Variants in AP5M1 observed in about 807,000 individuals in gnomAD.
AP5M1 encodes the protein adaptor related protein complex 5 subunit mu 1.
Under a neutral mutation model 52.3 loss-of-function variants are expected in AP5M1, and 44 were observed. The ratio of observed to expected loss-of-function variants is 0.84; its 90% CI spans 0.66 to 1.08. The LOEUF is 1.08. AP5M1 is among the 50% of genes least tolerant of loss of function. The pLI is 0.00. For missense variants in AP5M1, 526 were observed against 568.4 expected, an observed-to-expected ratio of 0.93 and a Z score of 0.76; for synonymous variants, 213 against 199.0, an observed-to-expected ratio of 1.07 and a Z score of -0.59.
intron 2 of AP5M1, among the ~76,000 whole-genome samples, chr14:57,277,301 T>C (rs1449562636): frequency 6.6e-6 from 1 of 152,204 alleles, no homozygotes; most frequent in Non-Finnish European, 1.5e-5. Flanking sequence ...GCAGGTTCCA[T>C]GATGGTTGAT....
chr14:57,283,132 A>G lies in AP5M1; in HGVS notation c.1195A>G (p.Met399Val), dbSNP rs758578141. Residue 399 changes from methionine to valine, a missense_variant, in exon 6 of 8, where the codon ATG (methionine) becomes GTG (valine). Transcript: ENST00000261558. ...TTTAGGCCAGAAGTTCCCAAAATCA[A>G]TGGAAATTAGTCTTTCTGGAACTGT... ...WIIGQKFPKS[M>V]EISLSGTVTF... The G allele has an allele frequency of 1.2e-6, 2 of 1,612,568 alleles. No individual in the cohort carries two copies. The highest frequency in any genetic ancestry group is 1.7e-4 in the Middle Eastern group (1 of 6,056).
At chr14:57,282,890 T>C in intron 4 of AP5M1, 44 bp from the exon 5 acceptor site, 3 of 1,352,180 alleles carry the variant, frequency 2.2e-6, no homozygotes, top group Non-Finnish European at 3.1e-6. Flanking sequence ...CTTAAAACTG[T>C]TATATCTATG....
At chr14:57,286,996 T>TACACACAC (rs58786398) in intron 7 of AP5M1, among the ~76,000 whole-genome samples, 9 of 140,426 alleles carry the variant, frequency 6.4e-5, no homozygotes, top group Non-Finnish European at 9.8e-5. Context: ...CACACACACA[T>TACACACAC]ACACACACAC....
intron 1 of AP5M1, among the ~76,000 whole-genome samples, chr14:57,269,973 T>C (rs1478226493): frequency 6.6e-6 from 1 of 152,078 alleles, no homozygotes; most frequent in East Asian, 1.9e-4. Flanking sequence ...CACGCCCGGC[T>C]AATTTTTTGT....
rs1885573719 is a variant in AP5M1 at position 57,297,304 on chromosome 14, C to G, written c.*8420C>G. 1 of 152,172 alleles carries G rather than the reference C, an allele frequency of 6.6e-6. No individual in the cohort carries two copies. The highest frequency in any genetic ancestry group is 2.4e-5 in the African/African-American group (1 of 41,550). The allele number at this position is 152,172 out of a possible 1,614,324, so 9.4% of individuals were successfully genotyped here. A position where few individuals can be genotyped will look rare whatever the true frequency, so the allele number is the denominator to read the frequency against. ...CCACTGATTCCCCTCCTGCCTCCTTCACTGATTTTGAATGTGTGCTCAATT... is the reference window on the plus strand; with the variant it reads ...CCACTGATTCCCCTCCTGCCTCCTTGACTGATTTTGAATGTGTGCTCAATT... On this transcript the variant is annotated 3_prime_UTR_variant, in exon 8 of 8. Coordinates refer to ENST00000261558, the MANE Select transcript of AP5M1 (RefSeq NM_018229.4).
rs950210532 is a variant in AP5M1 at position 57,293,877 on chromosome 14, A to G, written c.*4993A>G. The G allele has an allele frequency of 6.6e-6, 1 of 151,630 alleles. No homozygotes were observed. Among genetic ancestry groups the G allele is most frequent in the African/African-American group, 2.4e-5 (1 of 41,370 alleles). The allele number at this position is 151,630 out of a possible 1,614,324, so 9.4% of individuals were successfully genotyped here. A position where few individuals can be genotyped will look rare whatever the true frequency, so the allele number is the denominator to read the frequency against. ...ATATTCAAATATCTTTCCTCCAAAC[A>G]CAGTATTAGTTAATAGTAATGAAAT... On this transcript the variant is annotated 3_prime_UTR_variant, in exon 8 of 8. Coordinates refer to ENST00000261558, the MANE Select transcript of AP5M1 (RefSeq NM_018229.4).
At chr14:57,280,114 T>A in intron 2 of AP5M1, 81 bp from the exon 3 acceptor site, 2 of 999,524 alleles carry the variant, frequency 2.0e-6, no homozygotes, top group South Asian at 2.8e-5. Context: ...TTGGGGAAAA[T>A]GACTTTGATA....
At chr14:57,273,970 C>G (rs375375914) in intron 1 of AP5M1, among the ~76,000 whole-genome samples, 5 of 152,242 alleles carry the variant, frequency 3.3e-5, no homozygotes, top group East Asian at 1.9e-4. Flanking sequence ...TTTTGAATTA[C>G]AATCATGTAC....
rs1015629369 is a variant in AP5M1, at chr14:57,298,399, C to T, written c.*9515C>T. On this transcript the variant is annotated 3_prime_UTR_variant, in exon 8 of 8. Transcript: ENST00000261558. ...GTCACACAGGCCTGATTTCAAATCC[C>T]AGCTCTGTCATTTACAAACTGGGTG... The T allele has an allele frequency of 3.3e-5, 5 of 152,138 alleles. No homozygotes were observed. Among genetic ancestry groups the T allele is most frequent in the Non-Finnish European group, 1.5e-5 (1 of 68,036 alleles). The allele number at this position is 152,138 out of a possible 1,614,324, so 9.4% of individuals were successfully genotyped here.
In AP5M1 at chr14:57,286,274, C is replaced by T. The variant is rs563979550; in HGVS notation, c.1345C>T (p.His449Tyr). The T allele has an allele frequency of 1.2e-5, 20 of 1,613,128 alleles. No homozygotes were observed. The South Asian group carries it at 1.8e-4, about 14-fold the overall frequency. Residue 449 changes from histidine to tyrosine, a missense_variant, in exon 7 of 8, where the codon CAT (histidine) becomes TAT (tyrosine). His to Tyr is a moderately conservative substitution (Grantham distance 83). Around this residue, in one of 3 missense-constraint regions of AP5M1, gnomAD observed 97 missense variants for 121.3 expected, o/e 0.80. Transcript: ENST00000261558. ...YTLTGCYADQ[H>Y]SVQVFASGKP... is the part of the protein sequence containing the mutation. ...ACTTACTGGATGTTATGCAGATCAG[C>T]ATTCAGTTCAAGTTTTTGCATCAGG...
At chr14:57,281,969 T>C (rs1362863954) in intron 3 of AP5M1, 120 bp from the exon 4 acceptor site, 5 of 799,190 alleles carry the variant, frequency 6.3e-6, no homozygotes, top group Non-Finnish European at 9.4e-6. Flanking sequence ...TCATCATTGC[T>C]GTTACCAAAA....
rs773324898 is a variant in AP5M1, at chr14:57,288,187, TTA to T, written c.1391-602_1391-601del. Among the ~76,000 whole-genome samples the T allele has an allele frequency of 1.1e-4, 17 of 151,138 alleles. No homozygotes were observed. In the East Asian group the frequency reaches 2.5e-3, roughly 22 times the overall value. On this transcript the variant is annotated intron_variant, in intron 7 of 7. Transcript: ENST00000261558. ...TAATTATATTTAATTGGATATTTAA[TTA>T]TATATATATATAAAGAATTTACATG... is the stretch of plus-strand genomic sequence containing the variant.
intron 3 of AP5M1, among the ~76,000 whole-genome samples, 163 bp from the exon 4 acceptor site, chr14:57,281,926 A>C (rs1312794940): frequency 6.6e-6 from 1 of 152,232 alleles, no homozygotes; most frequent in Non-Finnish European, 1.5e-5. Flanking sequence ...AAACAAAGAG[A>C]GAAGAATCCC....
rs1885542562 is a variant in AP5M1 at position 57,295,907 on chromosome 14, T to C, written c.*7023T>C. ...TGTAATTGAGTATGTAATATATGCA[T>C]TGGAGAAATACCGGTTGATTATTGT... is the stretch of plus-strand genomic sequence containing the variant. On this transcript the variant is annotated 3_prime_UTR_variant, in exon 8 of 8. Coordinates refer to ENST00000261558, the MANE Select transcript of AP5M1 (RefSeq NM_018229.4). 1 of 151,908 alleles carries C rather than the reference T, an allele frequency of 6.6e-6. No individual in the cohort carries two copies. The highest frequency in any genetic ancestry group is 6.6e-5 in the Admixed American group (1 of 15,202). The allele number at this position is 151,908 out of a possible 1,614,324, so 9.4% of individuals were successfully genotyped here. A position where few individuals can be genotyped will look rare whatever the true frequency, so the allele number is the denominator to read the frequency against.
chr14:57,282,072 T>G lies in AP5M1; in HGVS notation c.949-17T>G. On this transcript the variant is annotated splice_polypyrimidine_tract_variant and intron_variant, in intron 3 of 7. Transcript: ENST00000261558. ...CATTAACCTGAGAATTATATAGACA[T>G]TTATGTTTCTTTTTAGGTCCCTGTC... 1 of 1,556,792 alleles carries G rather than the reference T, an allele frequency of 6.4e-7. No homozygotes were observed.
chr14:57,286,230 T>G lies in AP5M1; in HGVS notation c.1301T>G (p.Phe434Cys). Reference protein sequence around the residue: ...TGETAYLKLHFRILDYTLTGC... With the variant: ...TGETAYLKLHCRILDYTLTGC... ...TTTCTCTCTTCTTTCTAGCTTCATTTTAGGATCTTAGATTACACACTTACT... is the reference window on the plus strand; with the variant it reads ...TTTCTCTCTTCTTTCTAGCTTCATTGTAGGATCTTAGATTACACACTTACT... Residue 434 changes from phenylalanine (F) to cysteine (C), a missense_variant, in exon 7 of 8, where the codon TTT becomes TGT. Phe to Cys is a radical substitution (Grantham distance 205). Coordinates refer to ENST00000261558, the MANE Select transcript of AP5M1 (RefSeq NM_018229.4). 6.2e-7 allele frequency: 1 copy of G among 1,603,656 alleles called. No individual in the cohort carries two copies. Among genetic ancestry groups the G allele is most frequent in the African/African-American group, 1.3e-5 (1 of 74,750 alleles).
chr14:57,285,594 C>A (rs1314624172), intron 6 of AP5M1, among the ~76,000 whole-genome samples: 1 of 152,140 alleles, frequency 6.6e-6, no homozygotes, highest in Non-Finnish European at 1.5e-5. Flanking sequence ...TAAATCACAT[C>A]TTATGCATTA....
intron 1 of AP5M1, among the ~76,000 whole-genome samples, chr14:57,269,970 G>A (rs1425879134): frequency 6.6e-6 from 1 of 152,120 alleles, no homozygotes; most frequent in Non-Finnish European, 1.5e-5. Flanking sequence ...CACCACGCCC[G>A]GCTAATTTTT....
chr14:57,297,078 G>A lies in AP5M1; in HGVS notation c.*8194G>A, dbSNP rs1885568377. The A allele has an allele frequency of 6.6e-6, 1 of 152,000 alleles. No individual in the cohort carries two copies. Among genetic ancestry groups the A allele is most frequent in the Admixed American group, 6.6e-5 (1 of 15,214 alleles). 9.4% of individuals were successfully genotyped at this position (152,000 alleles called of 1,614,324 possible). On this transcript the variant is annotated 3_prime_UTR_variant, in exon 8 of 8. Transcript: ENST00000261558. ...AGAAACTTGAGCACCTGATATAGCA[G>A]AAGGAAATAAAGATTATAGTAAGTA...
Sources: gnomAD v4.1 joint callset for allele counts (sites outside exome capture counted in the v4.1 genomes callset) on GRCh38, gnomAD v4.1.1 for gene constraint, gnomAD v4.1.1 regional missense constraint, MANE v1.5 for transcripts, NCBI Gene and HGNC (gene_info 2026-07-23, HGNC 2026-07-21) for gene names.